The following RTL4 variants were observed in gnomAD, a reference collection of about 807,000 sequenced individuals.
The protein encoded by RTL4 is retrotransposon Gag like 4, also known as retrotransposon Gag-like protein 4.
In RTL4, 4 loss-of-function variants were observed where a neutral mutation model predicts 5.3. That is an observed-to-expected ratio of 0.75 (90% CI 0.37 to 1.72). The LOEUF (loss-of-function observed/expected upper bound fraction) is 1.72, where lower values mean the gene tolerates loss of function less well. Ranked by LOEUF, RTL4 falls within the 40% of genes most tolerant of loss-of-function variation. The probability of loss-of-function intolerance (pLI) is 0.04; values close to 1 mark genes in which losing one functional copy is unlikely to be tolerated. For missense variants in RTL4, 260 were observed against 227.1 expected, an observed-to-expected ratio of 1.14 and a Z score of -0.93; for synonymous variants, 98 against 87.3, an observed-to-expected ratio of 1.12 and a Z score of -0.68.
chrX:112,219,012 C>G, the RTL4 span, among the ~76,000 whole-genome samples: 1 of 111,879 alleles, frequency 8.9e-6, no homozygotes, highest in East Asian at 2.8e-4. Flanking sequence ...AGAATTGTTC[C>G]TGATAGCACA....
the RTL4 span, among the ~76,000 whole-genome samples, chrX:112,340,245 C>G: frequency 9.0e-4 from 100 of 111,533 alleles, no homozygotes; most frequent in Non-Finnish European, 1.6e-3. Flanking sequence ...CCAAATTGCC[C>G]CTTTGCTTTC....
At chrX:112,273,858 G>T in the RTL4 span, among the ~76,000 whole-genome samples, 1,504 of 111,647 alleles carry the variant, frequency 0.013, 17 homozygotes, top group African/African-American at 0.045. Flanking sequence ...TGTTATGAGG[G>T]TTACATAAGT....
At chrX:112,436,534 A>T in the RTL4 span, among the ~76,000 whole-genome samples, 2 of 112,221 alleles carry the variant, frequency 1.8e-5, no homozygotes, top group East Asian at 5.6e-4. Context: ...AACAGAAAAC[A>T]ATGTTTCTGA....
chrX:112,249,206 C>T, the RTL4 span, among the ~76,000 whole-genome samples: 5 of 112,096 alleles, frequency 4.5e-5, no homozygotes, highest in East Asian at 2.8e-4. Flanking sequence ...GCACTTGCTT[C>T]GGAAAATAGG....
At chrX:112,130,697 G>A in the RTL4 span, among the ~76,000 whole-genome samples, 12 of 109,547 alleles carry the variant, frequency 1.1e-4, no homozygotes, top group African/African-American at 3.3e-4. Flanking sequence ...TTTAGAAGGC[G>A]TTTTTACTCA....
chrX:112,116,595 C>T, the RTL4 span, among the ~76,000 whole-genome samples: 2 of 111,530 alleles, frequency 1.8e-5, no homozygotes, highest in South Asian at 3.8e-4. Context: ...CTGAGTGGTG[C>T]GTTTTTACAA....
At chrX:112,256,041 A>G in the RTL4 span, among the ~76,000 whole-genome samples, 1 of 112,112 alleles carries the variant, frequency 8.9e-6, no homozygotes, top group East Asian at 2.8e-4. Flanking sequence ...GTTAACAAAA[A>G]TGCCACGATA....
the RTL4 span, among the ~76,000 whole-genome samples, chrX:112,211,814 G>GT: frequency 8.9e-6 from 1 of 112,541 alleles, no homozygotes; most frequent in Non-Finnish European, 1.9e-5. Context: ...ATGTGGAACA[G>GT]TAATAGACAT....
the RTL4 span, among the ~76,000 whole-genome samples, chrX:112,431,037 C>T: frequency 1.8e-5 from 2 of 111,786 alleles, no homozygotes; most frequent in African/African-American, 6.5e-5. Context: ...TAGGTATCAG[C>T]CCTTTAATAA....
the RTL4 span, among the ~76,000 whole-genome samples, chrX:112,335,128 G>A: frequency 2.7e-5 from 3 of 111,691 alleles, no homozygotes; most frequent in Non-Finnish European, 3.8e-5. Flanking sequence ...TGAATGAAGC[G>A]TTTTTGAAAG....
At chrX:112,109,549 A>T in the RTL4 span, among the ~76,000 whole-genome samples, 1 of 111,642 alleles carries the variant, frequency 9.0e-6, no homozygotes. Context: ...TCATTTTGCA[A>T]ACCTCTAGCT....
At chrX:112,103,883 A>G in the RTL4 span, among the ~76,000 whole-genome samples, 2 of 111,390 alleles carry the variant, frequency 1.8e-5, no homozygotes, top group Non-Finnish European at 3.8e-5. Flanking sequence ...ATTACCTCAT[A>G]TATGTATCAA....
the RTL4 span, among the ~76,000 whole-genome samples, chrX:112,113,950 C>T: frequency 3.6e-5 from 4 of 111,018 alleles, no homozygotes; most frequent in Non-Finnish European, 5.7e-5. Context: ...TATAGAACAC[C>T]GAGGTTGCCA....
chrX:112,346,479 T>C, the RTL4 span, among the ~76,000 whole-genome samples: 98 of 111,938 alleles, frequency 8.8e-4, 1 homozygote, highest in Non-Finnish European at 1.5e-3. Context: ...GACAAAGAAG[T>C]CATACCCTTG....
At chrX:112,264,290 T>G in the RTL4 span, among the ~76,000 whole-genome samples, 3 of 112,303 alleles carry the variant, frequency 2.7e-5, no homozygotes, top group Non-Finnish European at 5.6e-5. Flanking sequence ...TCTCTTTAGC[T>G]TCAGGGCCCT....
chrX:112,099,558 A>G, the RTL4 span, among the ~76,000 whole-genome samples: 3 of 111,455 alleles, frequency 2.7e-5, no homozygotes. Context: ...TAGTGGTGTG[A>G]GAAATCTACT....
At chrX:112,193,262 A>T in the RTL4 span, among the ~76,000 whole-genome samples, 4 of 111,777 alleles carry the variant, frequency 3.6e-5, no homozygotes, top group Non-Finnish European at 5.7e-5. Flanking sequence ...ATTACCTCAA[A>T]CATTTATTAT....
chrX:112,161,980 C>T, the RTL4 span, among the ~76,000 whole-genome samples: 5 of 108,919 alleles, frequency 4.6e-5, no homozygotes, highest in South Asian at 4.0e-4. Flanking sequence ...AAGAACTTCA[C>T]GCAATAATGC....
the RTL4 span, among the ~76,000 whole-genome samples, chrX:112,417,145 A>T: frequency 9.0e-6 from 1 of 111,558 alleles, no homozygotes. Flanking sequence ...GCCCAGTAGG[A>T]TAAATCTGCT....
Sources: gnomAD v4.1 joint callset for allele counts (sites outside exome capture counted in the v4.1 genomes callset) on GRCh38, gnomAD v4.1.1 for gene constraint, MANE v1.5 for transcripts, NCBI Gene and HGNC (gene_info 2026-07-23, HGNC 2026-07-21) for gene names.